Variants in SLBP observed in about 807,000 individuals in gnomAD.
The protein encoded by SLBP is stem-loop histone mRNA binding protein.
In SLBP, 29 loss-of-function variants were observed where a neutral mutation model predicts 39.2. The ratio of observed to expected loss-of-function variants is 0.74; its 90% CI spans 0.55 to 1.01. SLBP has a LOEUF of 1.01. Among genes scored for constraint, SLBP ranks in the 50% least tolerant of loss-of-function variants. The pLI, the probability that SLBP is intolerant of heterozygous loss-of-function variation, is 0.00. For missense variants in SLBP, 390 were observed against 350.2 expected, an observed-to-expected ratio of 1.11 and a Z score of -0.91; for synonymous variants, 129 against 118.7, an observed-to-expected ratio of 1.09 and a Z score of -0.57.
chr4:1,709,490 C>A (rs1716650186), intron 2 of SLBP, among the ~76,000 whole-genome samples: 1 of 152,226 alleles, frequency 6.6e-6, no homozygotes, highest in African/African-American at 2.4e-5. Flanking sequence ...AAGCCCGCTC[C>A]CACTAGCTAC....
chr4:1,695,041 A>T (rs1189795922), intron 6 of SLBP, among the ~76,000 whole-genome samples: 1 of 152,208 alleles, frequency 6.6e-6, no homozygotes, highest in Non-Finnish European at 1.5e-5. Flanking sequence ...AGCGGATGGC[A>T]ATGAGAAGCA....
chr4:1,710,038 G>A (rs918393790), intron 2 of SLBP, among the ~76,000 whole-genome samples: 10 of 152,226 alleles, frequency 6.6e-5, no homozygotes, highest in Admixed American at 3.9e-4. Context: ...TTCTCATTCC[G>A]GGTAAGTGTC....
At chr4:1,695,062 C>A (rs1716057292) in intron 6 of SLBP, among the ~76,000 whole-genome samples, 2 of 152,170 alleles carry the variant, frequency 1.3e-5, no homozygotes, top group South Asian at 4.1e-4. Context: ...ACAAAAAGAT[C>A]TGCTGGGCTC....
chr4:1,693,612 G>A lies in SLBP; in HGVS notation c.798C>T (p.Phe266=), dbSNP rs752756465. 8 of 1,611,006 alleles carry A rather than the reference G, an allele frequency of 5.0e-6. No individual in the cohort carries two copies. In the Admixed American group the frequency reaches 1.3e-4, roughly 27 times the overall value. The part of the protein sequence containing the change: ...EACLTEPLRD[F]SAMS ...CAGGGGGCAGTTAGCTCATGGCTGA[G>A]AAGTCTCTCAAGGGTTCAGTTAAAC... is the stretch of plus-strand genomic sequence containing the variant. Residue 266 remains phenylalanine, a synonymous_variant, in exon 8 of 8, where the codon TTC becomes TTT. Transcript: ENST00000489418.
rs1468833769 is a variant in SLBP, at chr4:1,712,272, G to A, written c.-84C>T. The A allele has an allele frequency of 6.8e-6, 6 of 878,578 alleles. No homozygotes were observed. Among genetic ancestry groups the A allele is most frequent in the Non-Finnish European group, 9.3e-6 (6 of 643,426 alleles). The allele number at this position is 878,578 out of a possible 1,614,324, so 54.4% of individuals were successfully genotyped here. A position where few individuals can be genotyped will look rare whatever the true frequency, so the allele number is the denominator to read the frequency against. Reference sequence around the variant, plus strand: ...AGAGAGCGCAGAGTAGAGCAGGGCAGGGCCTGAGGCAGAAACCCGCGTCCC... The same window carrying A: ...AGAGAGCGCAGAGTAGAGCAGGGCAAGGCCTGAGGCAGAAACCCGCGTCCC... On this transcript the variant is annotated 5_prime_UTR_variant, in exon 1 of 8. Coordinates refer to ENST00000489418, the MANE Select transcript of SLBP (RefSeq NM_006527.4).
At chr4:1,705,092 T>C (rs1716470309) in intron 2 of SLBP, among the ~76,000 whole-genome samples, 1 of 152,120 alleles carries the variant, frequency 6.6e-6, no homozygotes, top group South Asian at 2.1e-4. Context: ...CACGTCCAGC[T>C]AATTTTGTAT....
At chr4:1,696,423 C>G in intron 5 of SLBP, 72 bp from the exon 6 acceptor site, 2 of 1,259,998 alleles carry the variant, frequency 1.6e-6, no homozygotes, top group Non-Finnish European at 2.2e-6. Context: ...GAAGATTAAC[C>G]AAACTATGAG....
intron 3 of SLBP, 120 bp downstream of exon 3, chr4:1,703,476 T>C (rs1297711549): frequency 2.0e-5 from 14 of 692,218 alleles, no homozygotes; most frequent in Non-Finnish European, 3.4e-5. Context: ...CCAGGAAATG[T>C]TGATGCCTTT....
At chr4:1,703,483 C>G (rs1035251388) in intron 3 of SLBP, 113 bp downstream of exon 3, 2 of 729,650 alleles carry the variant, frequency 2.7e-6, no homozygotes, top group Admixed American at 4.1e-5. Flanking sequence ...ATGTTGATGC[C>G]TTTGGTCTGG....
At chr4:1,698,867 C>T (rs960648298) in intron 5 of SLBP, among the ~76,000 whole-genome samples, 4 of 152,020 alleles carry the variant, frequency 2.6e-5, no homozygotes, top group Non-Finnish European at 4.4e-5. Context: ...TAATGGTTCA[C>T]TGTAACGTTG....
rs941751658 is a variant in SLBP at position 1,712,089 on chromosome 4, G to A, written c.59+41C>T. On this transcript the variant is annotated intron_variant, in intron 1 of 7. Transcript: ENST00000489418. ...CGGCCCCGCACAACCCCCGCCCCAC[G>A]GGGCACGCGCTCCCTCGCCCGCCGC... is the stretch of plus-strand genomic sequence containing the variant. The A allele has an allele frequency of 4.9e-6, 6 of 1,228,868 alleles. No individual in the cohort carries two copies. The South Asian group carries it at 1.2e-4, about 24-fold the overall frequency. 76.1% of individuals were successfully genotyped at this position (1,228,868 alleles called of 1,614,324 possible).
At position 1,694,396 on chromosome 4, in the gene SLBP, CT is replaced by C. The variant is rs35411773; in HGVS notation, c.696+377del. 2.3e-3 allele frequency among the ~76,000 whole-genome samples: 313 copies of C among 136,542 alleles called. 1 individual carries two copies. Among genetic ancestry groups the C allele is most frequent in the Middle Eastern group, 5.0e-3 (1 of 200 alleles). The allele number at this position is 136,542 out of a possible 152,430, so 89.6% of individuals were successfully genotyped here. A position where few individuals can be genotyped will look rare whatever the true frequency, so the allele number is the denominator to read the frequency against. On this transcript the variant is annotated intron_variant, in intron 7 of 7. Coordinates refer to ENST00000489418, the MANE Select transcript of SLBP (RefSeq NM_006527.4). ...CCACGCGCAGCACATGGTTTTCTTT[CT>C]TTTTTTTTTTTTGAGACAGAGTCTT...
At chr4:1,697,721 G>GT (rs1411936487) in intron 5 of SLBP, among the ~76,000 whole-genome samples, 1 of 151,814 alleles carries the variant, frequency 6.6e-6, no homozygotes, top group Non-Finnish European at 1.5e-5. Flanking sequence ...GCGCATGCCT[G>GT]TAATTCCAGC....
chr4:1,708,636 T>C (rs1716614371), intron 2 of SLBP, among the ~76,000 whole-genome samples: 1 of 152,244 alleles, frequency 6.6e-6, no homozygotes, highest in Admixed American at 6.5e-5. Flanking sequence ...TGAATGACCA[T>C]ATACTACATG....
At position 1,696,120 on chromosome 4, in the gene SLBP, C is replaced by T. The variant is rs1716095323; in HGVS notation, c.629+82G>A. On this transcript the variant is annotated intron_variant, in intron 6 of 7. Transcript: ENST00000489418. The stretch of plus-strand genomic sequence containing the variant: ...AGCTGCTGGGGGACTTGGCACCAGA[C>T]CTCCTGTCCCAGTGGTGCGCAGCTG... 5.6e-6 allele frequency: 7 copies of T among 1,256,494 alleles called. No homozygotes were observed. The South Asian group carries it at 9.8e-5, about 18-fold the overall frequency. 77.8% of individuals were successfully genotyped at this position (1,256,494 alleles called of 1,614,324 possible).
In SLBP at chr4:1,701,114, C is replaced by G. The variant is rs182798508; in HGVS notation, c.282-1044G>C. On this transcript the variant is annotated intron_variant, in intron 3 of 7. Transcript: ENST00000489418. ...ACCACAGATGAGAAAGACTGGTTTTCAGGTATGATGAAAATCCATTTTCTT... is the reference window on the plus strand; with the variant it reads ...ACCACAGATGAGAAAGACTGGTTTTGAGGTATGATGAAAATCCATTTTCTT... 5.5e-3 allele frequency among the ~76,000 whole-genome samples: 832 copies of G among 151,252 alleles called. 9 individuals carry two copies. Among genetic ancestry groups the G allele is most frequent in the Non-Finnish European group, 9.7e-3 (655 of 67,782 alleles).
Position 1,699,664 on chromosome 4 carries a change from C to G in SLBP, c.379G>C (p.Asp127His), listed in dbSNP as rs771165121. 20 of 1,613,818 alleles carry G rather than the reference C, an allele frequency of 1.2e-5. No homozygotes were observed. Among genetic ancestry groups the G allele is most frequent in the Non-Finnish European group, 1.6e-5 (19 of 1,179,722 alleles). ...AGGACACTTTCATCTGTCTCAAAGT[C>G]AGCCGGCACAGTAGACATAGACTCC... is the stretch of plus-strand genomic sequence containing the variant. ...SKESMSTVPA[D>H]FETDESVLMR... is the part of the protein sequence containing the mutation. Residue 127 changes from aspartate to histidine, a missense_variant, in exon 5 of 8, where the codon GAC becomes CAC. Coordinates refer to ENST00000489418, the MANE Select transcript of SLBP (RefSeq NM_006527.4).
At chr4:1,704,877 T>C (rs1338742798) in intron 2 of SLBP, among the ~76,000 whole-genome samples, 1 of 152,102 alleles carries the variant, frequency 6.6e-6, no homozygotes, top group African/African-American at 2.4e-5. Context: ...AACAGTATGA[T>C]CCTGTACTTG....
intron 6 of SLBP, among the ~76,000 whole-genome samples, chr4:1,695,502 G>A (rs962381052): frequency 6.6e-6 from 1 of 152,172 alleles, no homozygotes; most frequent in South Asian, 2.1e-4. Flanking sequence ...CTAGGCACAA[G>A]TTTAAAGGCC....
Sources: allele counts gnomAD v4.1 joint callset (sites outside exome capture counted in the v4.1 genomes callset), GRCh38; gene constraint gnomAD v4.1.1; transcripts MANE v1.5; gene names NCBI Gene and HGNC (gene_info 2026-07-23, HGNC 2026-07-21).